ABLIM2: variants seen among roughly 807,000 people sequenced by gnomAD.
ABLIM2 encodes actin-binding LIM protein 2.
ABLIM2 carries 53 observed loss-of-function variants against 97.7 expected under a neutral mutation model. That is an observed-to-expected ratio of 0.54 (90% CI 0.44 to 0.68). The LOEUF (loss-of-function observed/expected upper bound fraction) is 0.68. Ranked by LOEUF, ABLIM2 falls within the 30% of genes least tolerant of loss-of-function variation. The pLI, the probability that ABLIM2 is intolerant of heterozygous loss-of-function variation, is 0.00. For missense variants in ABLIM2, 835 were observed against 867.2 expected, an observed-to-expected ratio of 0.96 and a Z score of 0.47; for synonymous variants, 361 against 345.8, an observed-to-expected ratio of 1.04 and a Z score of -0.49.
Position 8,072,064 on chromosome 4 carries a change from G to A in ABLIM2, c.675+5564C>T, listed in dbSNP as rs1812585488. On this transcript the variant is annotated intron_variant, in intron 6 of 20. Transcript: ENST00000447017. The surrounding 1 kb of genome is among the most constrained non-coding windows in gnomAD (Gnocchi z 5.8). ...TGCTCAGAGCTGTGCAGAGCCCGCCGACTCAGCCACGCCGCCACAGACTCG... is the reference window on the plus strand; with the variant it reads ...TGCTCAGAGCTGTGCAGAGCCCGCCAACTCAGCCACGCCGCCACAGACTCG... 7.1e-6 allele frequency: 7 copies of A among 985,416 alleles called. No homozygotes were observed. Among genetic ancestry groups the A allele is most frequent in the Non-Finnish European group, 8.4e-6 (7 of 829,960 alleles). The allele number at this position is 985,416 out of a possible 1,614,324, so 61.0% of individuals were successfully genotyped here. A position where few individuals can be genotyped will look rare whatever the true frequency, so the allele number is the denominator to read the frequency against.
chr4:7,976,758 CAT>C (rs1233449468), intron 20 of ABLIM2, among the ~76,000 whole-genome samples: 7 of 152,096 alleles, frequency 4.6e-5, no homozygotes, highest in African/African-American at 7.3e-5. Context: ...TATGCACACA[CAT>C]ATACAGACAC....
intron 1 of ABLIM2, 38 bp from the exon 2 acceptor site, chr4:8,106,675 A>G: frequency 1.3e-6 from 2 of 1,569,830 alleles, no homozygotes; most frequent in Non-Finnish European, 1.7e-6. Context: ...TCAAGGGTGG[A>G]TGTGTGAGGC....
Position 8,148,156 on chromosome 4 carries a change from G to A in ABLIM2, c.10+10524C>T, listed in dbSNP as rs1852127398. ...GGCAGAGAAGGGGTTTGGAGTGGCA[G>A]GAGGCAGGGGCAGAGGGAGAAAAGG... On this transcript the variant is annotated intron_variant, in intron 1 of 20. Transcript: ENST00000447017. This position sits in a 1 kb window ranked among gnomAD's most constrained non-coding sequence, Gnocchi z 6.7. 6.6e-6 allele frequency among the ~76,000 whole-genome samples: 1 copy of A among 152,248 alleles called. No homozygotes were observed. The highest frequency in any genetic ancestry group is 2.1e-4 in the South Asian group (1 of 4,836).
rs1349843768 is a variant in ABLIM2 at position 8,068,918 on chromosome 4, C to G, written c.676-7864G>C. On this transcript the variant is annotated intron_variant, in intron 6 of 20. Transcript: ENST00000447017. This position sits in a 1 kb window ranked among gnomAD's most constrained non-coding sequence, Gnocchi z 4.5. ...CAAAGAAACAAATGAAAGCTGTGAG[C>G]AGGGGATCCCCCTGGGGGTGTTTGG... is the stretch of plus-strand genomic sequence containing the variant. Among the ~76,000 whole-genome samples the G allele has an allele frequency of 6.6e-6, 1 of 152,266 alleles. No homozygotes were observed. Among genetic ancestry groups the G allele is most frequent in the Non-Finnish European group, 1.5e-5 (1 of 68,046 alleles).
chr4:8,054,363 C>A lies in ABLIM2; in HGVS notation c.764-117G>T. 2 of 1,098,466 alleles carry A rather than the reference C, an allele frequency of 1.8e-6. No homozygotes were observed. Among genetic ancestry groups the A allele is most frequent in the Admixed American group, 2.0e-5 (1 of 50,446 alleles). 68.0% of individuals were successfully genotyped at this position (1,098,466 alleles called of 1,614,324 possible). ...GCACAGACGTGCACTCGGACTCCAC[C>A]CTCCAAGCGGCCCTGAGCATCCTCT... On this transcript the variant is annotated intron_variant, in intron 7 of 20. Transcript: ENST00000447017. This position sits in a 1 kb window ranked among gnomAD's most constrained non-coding sequence, Gnocchi z 4.9.
intron 12 of ABLIM2, 82 bp downstream of exon 12, chr4:8,027,677 C>A (rs765551810): frequency 2.6e-6 from 3 of 1,143,096 alleles, no homozygotes; most frequent in South Asian, 3.8e-5. Flanking sequence ...TGAAGCCATG[C>A]GGCAGACATG....
At chr4:7,969,170 T>G (rs934362578) in intron 20 of ABLIM2, among the ~76,000 whole-genome samples, 1 of 151,610 alleles carries the variant, frequency 6.6e-6, no homozygotes, top group Non-Finnish European at 1.5e-5. Flanking sequence ...AATGGTCAAT[T>G]TGGATGGGTG....
chr4:8,133,663 T>G (rs1156437739), intron 1 of ABLIM2, among the ~76,000 whole-genome samples: 3 of 152,182 alleles, frequency 2.0e-5, no homozygotes, highest in Admixed American at 2.0e-4. Context: ...CCCTCTGTGC[T>G]CTGCACACAC....
rs1248291076 is a variant in ABLIM2 at position 8,122,222 on chromosome 4, C to T, written c.11-15585G>A. On this transcript the variant is annotated intron_variant, in intron 1 of 20. Transcript: ENST00000447017. This position sits in a 1 kb window ranked among gnomAD's most constrained non-coding sequence, Gnocchi z 4.1. ...CAGCCTGGATGGGGAGTCTCGCTGC[C>T]CCCTGTGCATCTCCATCATATCCGA... Among the ~76,000 whole-genome samples, 3 of 152,164 alleles carry T rather than the reference C, an allele frequency of 2.0e-5. No homozygotes were observed. The highest frequency in any genetic ancestry group is 7.2e-5 in the African/African-American group (3 of 41,442).
intron 5 of ABLIM2, 48 bp downstream of exon 5, chr4:8,080,628 T>G: frequency 6.5e-7 from 1 of 1,528,038 alleles, no homozygotes; most frequent in Non-Finnish European, 8.8e-7. Context: ...CCCCACAGAG[T>G]AGGGAAGCCT....
Position 8,113,292 on chromosome 4 carries a change from G to A in ABLIM2, c.11-6655C>T, listed in dbSNP as rs1343078666. Among the ~76,000 whole-genome samples the A allele has an allele frequency of 1.3e-5, 2 of 152,056 alleles. No individual in the cohort carries two copies. Among genetic ancestry groups the A allele is most frequent in the Non-Finnish European group, 2.9e-5 (2 of 68,018 alleles). On this transcript the variant is annotated intron_variant, in intron 1 of 20. Transcript: ENST00000447017. This position sits in a 1 kb window ranked among gnomAD's most constrained non-coding sequence, Gnocchi z 4.5. ...GTATTTTTTGTAGACACGGGATGTC[G>A]CTATCTTGCTCAGGCTGGTCTCACA... is the stretch of plus-strand genomic sequence containing the variant.
Position 7,998,854 on chromosome 4 carries a change from T to G in ABLIM2, c.1619-5927A>C, listed in dbSNP as rs576339008. Among the ~76,000 whole-genome samples, 58 of 152,188 alleles carry G rather than the reference T, an allele frequency of 3.8e-4. 1 individual carries two copies. In the South Asian group the frequency reaches 0.012, roughly 31 times the overall value. On this transcript the variant is annotated intron_variant, in intron 16 of 20. Coordinates refer to ENST00000447017, the MANE Select transcript of ABLIM2 (RefSeq NM_001130083.2). This position sits in a 1 kb window ranked among gnomAD's most constrained non-coding sequence, Gnocchi z 6.4. ...CACTTTGCTGTTCCCACCTTTAGAG[T>G]TGTCCTGTGACCAACCGTCTGCCGT...
At chr4:8,011,675 C>T (rs539309835) in intron 14 of ABLIM2, among the ~76,000 whole-genome samples, 2 of 152,328 alleles carry the variant, frequency 1.3e-5, no homozygotes, top group African/African-American at 4.8e-5. Flanking sequence ...AAAAGATCAA[C>T]TCAGGACAAT....
At position 8,023,286 on chromosome 4, in the gene ABLIM2, C is replaced by A. The variant is rs906396716; in HGVS notation, c.1268-2983G>T. 6.6e-6 allele frequency among the ~76,000 whole-genome samples: 1 copy of A among 152,244 alleles called. No homozygotes were observed. The highest frequency in any genetic ancestry group is 2.4e-5 in the African/African-American group (1 of 41,464). On this transcript the variant is annotated intron_variant, in intron 12 of 20. Coordinates refer to ENST00000447017, the MANE Select transcript of ABLIM2 (RefSeq NM_001130083.2). The surrounding 1 kb of genome is among the most constrained non-coding windows in gnomAD (Gnocchi z 5.7). Reference sequence around the variant, plus strand: ...ACCTGATGTTCTTCCGCTCCAGGATCCCACCCAGGAAACATGACGTTCTGT... The same window carrying A: ...ACCTGATGTTCTTCCGCTCCAGGATACCACCCAGGAAACATGACGTTCTGT...
Position 7,994,777 on chromosome 4 carries a change from TGTCCAAAACACCAAAAGCAATGGCAACAA to T in ABLIM2, c.1619-1879_1619-1851del, listed in dbSNP as rs1375987301. Among the ~76,000 whole-genome samples, 78 of 118,226 alleles carry T rather than the reference TGTCCAAAACACCAAAAGCAATGGCAACAA, an allele frequency of 6.6e-4. 1 individual carries two copies. The highest frequency in any genetic ancestry group is 2.0e-3 in the African/African-American group (75 of 37,374). 77.6% of individuals were successfully genotyped at this position (118,226 alleles called of 152,430 possible). A position where few individuals can be genotyped will look rare whatever the true frequency, so the allele number is the denominator to read the frequency against. ...CAGCACCTGTTGTTTCCTGACTTCA[TGTCCAAAACACCAAAAGCAATGGCAACAA>T]AAGACAAAATTGACAAATGGGATCT... On this transcript the variant is annotated intron_variant, in intron 16 of 20. Transcript: ENST00000447017.
At chr4:7,967,321 G>T (rs571086482) in intron 20 of ABLIM2, among the ~76,000 whole-genome samples, 2 of 152,356 alleles carry the variant, frequency 1.3e-5, no homozygotes, top group East Asian at 3.9e-4. Context: ...ACAGCACCCA[G>T]TGGTGGAGCT....
chr4:7,995,859 G>A (rs914476112), intron 16 of ABLIM2, among the ~76,000 whole-genome samples: 2 of 152,030 alleles, frequency 1.3e-5, no homozygotes, highest in Non-Finnish European at 2.9e-5. Flanking sequence ...GCCCCTCCTC[G>A]GCACCCCCAA....
At chr4:8,056,990 T>A (rs1424709780) in intron 7 of ABLIM2, among the ~76,000 whole-genome samples, 3 of 119,764 alleles carry the variant, frequency 2.5e-5, no homozygotes, top group Non-Finnish European at 3.7e-5. Flanking sequence ...TTAAATTAAA[T>A]ATCAAAACAT....
chr4:7,993,987 C>T (rs1751084075), intron 16 of ABLIM2: 1 of 498,354 alleles, frequency 2.0e-6, no homozygotes, highest in Admixed American at 2.1e-5. Flanking sequence ...TGAACGCCTG[C>T]CTGGCTCAGA....
Sources: allele counts gnomAD v4.1 joint callset (sites outside exome capture counted in the v4.1 genomes callset), GRCh38; gene constraint gnomAD v4.1.1; non-coding constraint Gnocchi (gnomAD v3.1); transcripts MANE v1.5; gene names NCBI Gene and HGNC (gene_info 2026-07-23, HGNC 2026-07-21).